SNX29: variants seen among roughly 807,000 people sequenced by gnomAD.
SNX29 encodes sorting nexin 29, also known as sorting nexin-29.
A neutral mutation model predicts 102.1 loss-of-function variants in SNX29; 78 were observed. The ratio of observed to expected loss-of-function variants is 0.76; its 90% CI spans 0.64 to 0.92. The LOEUF is 0.92. SNX29 is among the 40% of genes least tolerant of loss of function. SNX29 has a pLI of 0.00. For synonymous variants in SNX29, 580 were observed against 414.5 expected (o/e 1.40, Z -4.85); for missense variants, 1,280 against 1,061.7 (o/e 1.21, Z -2.86).
intron 14 of SNX29, among the ~76,000 whole-genome samples, chr16:12,206,366 T>C (rs2142007200): frequency 7.0e-6 from 1 of 142,316 alleles, no homozygotes; most frequent in East Asian, 2.1e-4. Context: ...TGCTGGTAAA[T>C]GTCTAACAAA....
At chr16:12,380,028 G>A (rs2083015218) in intron 16 of SNX29, among the ~76,000 whole-genome samples, 1 of 152,084 alleles carries the variant, frequency 6.6e-6, no homozygotes, top group South Asian at 2.1e-4. Flanking sequence ...ACCTCTTGGT[G>A]TTTGAAGACA....
At chr16:12,419,480 A>G (rs2111225) in intron 18 of SNX29, among the ~76,000 whole-genome samples, 46,875 of 151,938 alleles carry the variant, frequency 0.31, 7,377 homozygotes, top group South Asian at 0.45. Context: ...TTGACAGGAA[A>G]CAGATGACAT....
intron 13 of SNX29, among the ~76,000 whole-genome samples, chr16:12,153,040 C>T (rs1043400334): frequency 2.0e-5 from 3 of 152,178 alleles, no homozygotes; most frequent in Admixed American, 6.5e-5. Context: ...TCTCTGTAGT[C>T]GTGTCTATTA....
chr16:12,572,609 C>A lies in SNX29; in HGVS notation c.*3980C>A, dbSNP rs1017099981. The A allele has an allele frequency of 1.9e-5, 20 of 1,063,992 alleles. No individual in the cohort carries two copies. Among genetic ancestry groups the A allele is most frequent in the Non-Finnish European group, 2.0e-5 (18 of 878,514 alleles). 65.9% of individuals were successfully genotyped at this position (1,063,992 alleles called of 1,614,324 possible). ...GGGCTCCCAGTGAGCCCCCTCCCCT[C>A]CGGCTACCCCCAGAATCCATCCTTC... is the stretch of plus-strand genomic sequence containing the variant. On this transcript the variant is annotated 3_prime_UTR_variant, in exon 21 of 21. Transcript: ENST00000566228.
chr16:12,528,168 A>C (rs1455924004), intron 20 of SNX29, among the ~76,000 whole-genome samples: 1 of 151,846 alleles, frequency 6.6e-6, no homozygotes, highest in Non-Finnish European at 1.5e-5. Context: ...AACATCAAAA[A>C]ATTAGAAGGT....
At chr16:12,373,678 C>T (rs907817652) in intron 16 of SNX29, 3 of 152,266 alleles carry the variant, frequency 2.0e-5, no homozygotes, top group Non-Finnish European at 2.9e-5. Flanking sequence ...GCACCTGATA[C>T]AGAGTATAAA....
At chr16:12,138,980 A>T (rs774717363) in intron 13 of SNX29, among the ~76,000 whole-genome samples, 2 of 152,020 alleles carry the variant, frequency 1.3e-5, no homozygotes, top group Non-Finnish European at 2.9e-5. Context: ...AGGTAGGTGG[A>T]TCACTGAGGT....
intron 13 of SNX29, among the ~76,000 whole-genome samples, chr16:12,185,451 C>T (rs2076487333): frequency 6.6e-6 from 1 of 152,110 alleles, no homozygotes; most frequent in Non-Finnish European, 1.5e-5. Flanking sequence ...ACCTTCTTTC[C>T]CTCCCTCCTC....
At chr16:12,518,415 A>G (rs149087535) in intron 19 of SNX29, among the ~76,000 whole-genome samples, 91 of 152,040 alleles carry the variant, frequency 6.0e-4, no homozygotes, top group African/African-American at 2.1e-3. Flanking sequence ...TTCTTCTTGC[A>G]TTTGCTGTTC....
At chr16:12,155,515 C>T (rs1245640937) in intron 13 of SNX29, among the ~76,000 whole-genome samples, 3 of 152,070 alleles carry the variant, frequency 2.0e-5, no homozygotes, top group Admixed American at 6.5e-5. Flanking sequence ...AGTTACAGGC[C>T]GTTTTCTCAG....
In SNX29 at chr16:12,481,465, T is replaced by TAC. The variant is rs138169617; in HGVS notation, c.2178+3610_2178+3611dup. ...ACACACACATATATACATATATATA[T>TAC]ACACATATATACACACATATATATA... On this transcript the variant is annotated intron_variant, in intron 19 of 20. Coordinates refer to ENST00000566228, the MANE Select transcript of SNX29 (RefSeq NM_032167.5). Among the ~76,000 whole-genome samples, 805 of 102,660 alleles carry TAC rather than the reference T, an allele frequency of 7.8e-3. 10 individuals carry two copies. The highest frequency in any genetic ancestry group is 0.018 in the African/African-American group (629 of 34,182). 67.3% of individuals were successfully genotyped at this position (102,660 alleles called of 152,430 possible).
At chr16:12,357,255 C>T (rs1274458790) in intron 16 of SNX29, among the ~76,000 whole-genome samples, 1 of 152,190 alleles carries the variant, frequency 6.6e-6, no homozygotes, top group Non-Finnish European at 1.5e-5. Flanking sequence ...AGGTTATCTA[C>T]ATCTGCTTCC....
chr16:12,301,265 C>G (rs982529662), intron 15 of SNX29, among the ~76,000 whole-genome samples: 1 of 152,250 alleles, frequency 6.6e-6, no homozygotes, highest in Non-Finnish European at 1.5e-5. Flanking sequence ...AGACTCCTTC[C>G]TGTACTCTGC....
intron 3 of SNX29, 90 bp from the exon 4 acceptor site, chr16:12,027,230 G>A (rs1555521822): frequency 1.3e-6 from 2 of 1,540,274 alleles, no homozygotes; most frequent in Non-Finnish European, 1.8e-6. Context: ...TTTACACCTG[G>A]CGGCTTACTC....
At chr16:12,481,513 G>GACACACACAC (rs59650769) in intron 19 of SNX29, among the ~76,000 whole-genome samples, 3 of 125,666 alleles carry the variant, frequency 2.4e-5, no homozygotes, top group African/African-American at 9.8e-5. Context: ...TATACATATA[G>GACACACACAC]ACACACACAC....
At chr16:12,511,206 C>G (rs956374860) in intron 19 of SNX29, among the ~76,000 whole-genome samples, 4 of 152,230 alleles carry the variant, frequency 2.6e-5, no homozygotes, top group African/African-American at 9.6e-5. Context: ...CTGTTTTTAG[C>G]AAAGCCGCAG....
intron 20 of SNX29, among the ~76,000 whole-genome samples, chr16:12,543,924 C>T (rs559016171): frequency 1.2e-4 from 19 of 152,280 alleles, no homozygotes; most frequent in African/African-American, 2.2e-4. Flanking sequence ...AGGTGGAATC[C>T]GGCACCCTCT....
chr16:12,258,175 C>G (rs2078630020), intron 14 of SNX29, among the ~76,000 whole-genome samples: 1 of 152,158 alleles, frequency 6.6e-6, no homozygotes. Context: ...ACAGCTTTGC[C>G]TCATCCTGAG....
intron 2 of SNX29, among the ~76,000 whole-genome samples, chr16:12,001,255 G>A (rs543743469): frequency 1.2e-4 from 19 of 152,190 alleles, no homozygotes; most frequent in Non-Finnish European, 2.2e-4. Context: ...GGGACTACAG[G>A]TCCGTGCCAT....
Sources: allele counts gnomAD v4.1 joint callset (sites outside exome capture counted in the v4.1 genomes callset), GRCh38; gene constraint gnomAD v4.1.1; transcripts MANE v1.5; gene names NCBI Gene and HGNC (gene_info 2026-07-23, HGNC 2026-07-21).